WASHC4: variants seen among roughly 807,000 people sequenced by gnomAD.
WASHC4 encodes WASH complex subunit 4.
A neutral mutation model predicts 166.6 loss-of-function variants in WASHC4; 86 were observed. That is an observed-to-expected ratio of 0.52 (90% confidence interval 0.43 to 0.62). WASHC4 has a LOEUF of 0.62. WASHC4 is among the 20% of genes least tolerant of loss of function. The probability of loss-of-function intolerance (pLI) is 0.00; values close to 1 mark genes in which losing one functional copy is unlikely to be tolerated. For missense variants in WASHC4, 1,262 were observed against 1,382.4 expected (o/e 0.91, Z 1.38); for synonymous variants, 446 against 451.6 (o/e 0.99, Z 0.16).
chr12:105,153,061 A>G (rs1179619953), intron 26 of WASHC4, among the ~76,000 whole-genome samples: 2 of 152,220 alleles, frequency 1.3e-5, no homozygotes, highest in African/African-American at 4.8e-5. Flanking sequence ...AATCGTTTTA[A>G]AGATGAAAAA....
At chr12:105,136,315 G>A (rs556606910) in intron 14 of WASHC4, among the ~76,000 whole-genome samples, 2 of 152,244 alleles carry the variant, frequency 1.3e-5, no homozygotes, top group African/African-American at 4.8e-5. Flanking sequence ...AACCCTGAAT[G>A]CCAGGATCAC....
intron 6 of WASHC4, 99 bp downstream of exon 6, chr12:105,115,827 T>C (rs949143049): frequency 1.3e-6 from 1 of 787,730 alleles, no homozygotes; most frequent in Non-Finnish European, 2.3e-6. Context: ...ACTAAAGATG[T>C]GTACTCTGAG....
chr12:105,166,603 C>T (rs1884821034), intron 32 of WASHC4, among the ~76,000 whole-genome samples: 1 of 152,064 alleles, frequency 6.6e-6, no homozygotes, highest in Non-Finnish European at 1.5e-5. Flanking sequence ...TGGTTTGAAG[C>T]CCCACCCCAA....
intron 27 of WASHC4, among the ~76,000 whole-genome samples, chr12:105,157,023 A>C (rs1884205530): frequency 6.6e-6 from 1 of 152,240 alleles, no homozygotes; most frequent in Admixed American, 6.5e-5. Context: ...TTATGAATGC[A>C]TGTAAAGATT....
chr12:105,114,173 T>C, intron 2 of WASHC4, 43 bp from the exon 3 acceptor site: 1 of 1,566,398 alleles, frequency 6.4e-7, no homozygotes, highest in East Asian at 2.2e-5. Flanking sequence ...ATTTCAGTTA[T>C]TTTTCAAATT....
In WASHC4 at chr12:105,160,033, G is replaced by A. The variant is rs773207031; in HGVS notation, c.2945G>A (p.Arg982Gln). The A allele has an allele frequency of 2.4e-5, 38 of 1,613,902 alleles. No homozygotes were observed. Among genetic ancestry groups the A allele is most frequent in the Middle Eastern group, 1.6e-4 (1 of 6,084 alleles). ...HLDSVLSDHTRNSAEGTEYFK... is the reference protein window; with the variant it reads ...HLDSVLSDHTQNSAEGTEYFK... Reference sequence around the variant, plus strand: ...GATTCAGTCCTCAGTGATCACACACGAAATTCTGCCGAAGGCACAGAATAT... The same window carrying A: ...GATTCAGTCCTCAGTGATCACACACAAAATTCTGCCGAAGGCACAGAATAT... Residue 982 changes from arginine (R) to glutamine (Q), a missense_variant, in exon 29 of 33, where the codon CGA becomes CAA. Coordinates refer to ENST00000332180, the MANE Select transcript of WASHC4 (RefSeq NM_015275.3).
At chr12:105,152,657 A>C (rs556878487) in intron 26 of WASHC4, among the ~76,000 whole-genome samples, 2 of 152,330 alleles carry the variant, frequency 1.3e-5, no homozygotes, top group Admixed American at 1.3e-4. Context: ...CTAATCACGT[A>C]AATAAAACCT....
chr12:105,143,030 C>T (rs370319449), intron 19 of WASHC4, 97 bp from the exon 20 acceptor site: 9 of 756,422 alleles, frequency 1.2e-5, no homozygotes, highest in African/African-American at 1.7e-5. Flanking sequence ...TCCTTCAGAT[C>T]GAGGTTTTGT....
intron 13 of WASHC4, among the ~76,000 whole-genome samples, chr12:105,131,074 A>ATTTTT (rs1247823736): frequency 6.7e-6 from 1 of 149,508 alleles, no homozygotes; most frequent in African/African-American, 2.4e-5. Context: ...ATATTTATTT[A>ATTTTT]TTTATTTATT....
At chr12:105,162,401 T>G (rs948971329) in intron 29 of WASHC4, among the ~76,000 whole-genome samples, 1 of 152,226 alleles carries the variant, frequency 6.6e-6, no homozygotes, top group African/African-American at 2.4e-5. Context: ...TATATGACTT[T>G]GGGTGAGATA....
intron 28 of WASHC4, 99 bp downstream of exon 28, chr12:105,157,421 T>G: frequency 1.5e-6 from 1 of 678,594 alleles, no homozygotes; most frequent in Middle Eastern, 4.0e-4. Context: ...CTGTTTTTAT[T>G]ATACAAAATT....
chr12:105,133,149 C>T (rs779861375), intron 13 of WASHC4, among the ~76,000 whole-genome samples: 28 of 152,070 alleles, frequency 1.8e-4, no homozygotes, highest in Non-Finnish European at 3.7e-4. Context: ...TCCCCATCAC[C>T]CCACTCCCTC....
chr12:105,143,966 T>C (rs1457593778), intron 20 of WASHC4, among the ~76,000 whole-genome samples: 1 of 151,912 alleles, frequency 6.6e-6, no homozygotes, highest in African/African-American at 2.4e-5. Flanking sequence ...ATTTTTTTTT[T>C]AACAGTTATT....
chr12:105,115,424 C>T (rs757554803), intron 5 of WASHC4, among the ~76,000 whole-genome samples, 195 bp downstream of exon 5: 42 of 151,750 alleles, frequency 2.8e-4, no homozygotes, highest in Non-Finnish European at 3.1e-4. Flanking sequence ...TTGTACTTTA[C>T]GAAGTACTGT....
chr12:105,146,900 A>T (rs1030428072), intron 23 of WASHC4, 142 bp from the exon 24 acceptor site: 3 of 688,804 alleles, frequency 4.4e-6, no homozygotes, highest in Non-Finnish European at 5.3e-6. Flanking sequence ...CGGATTAAGG[A>T]TACTCACCTG....
intron 25 of WASHC4, 60 bp from the exon 26 acceptor site, chr12:105,152,283 G>T (rs1592909559): frequency 1.2e-6 from 1 of 828,520 alleles, no homozygotes; most frequent in East Asian, 2.5e-5. Flanking sequence ...TGGTTTATTT[G>T]GGAGGCATTT....
At chr12:105,156,341 T>C (rs1884161026) in intron 26 of WASHC4, among the ~76,000 whole-genome samples, 1 of 152,180 alleles carries the variant, frequency 6.6e-6, no homozygotes, top group African/African-American at 2.4e-5. Flanking sequence ...TTGGGAGGCA[T>C]CAAATAAAGA....
chr12:105,135,400 T>G (rs968018399), intron 14 of WASHC4, among the ~76,000 whole-genome samples: 3 of 145,906 alleles, frequency 2.1e-5, no homozygotes, highest in Non-Finnish European at 3.0e-5. Flanking sequence ...GTTGGTGGGG[T>G]TTTTTTTTTT....
Position 105,111,171 on chromosome 12 carries a change from G to A in WASHC4, c.108G>A (p.Glu36=). 1.9e-6 allele frequency: 3 copies of A among 1,606,354 alleles called. No individual in the cohort carries two copies. The highest frequency in any genetic ancestry group is 1.1e-5 in the South Asian group (1 of 90,924). Residue 36 remains glutamate, a synonymous_variant, in exon 2 of 33, where the codon GAG becomes GAA. Coordinates refer to ENST00000332180, the MANE Select transcript of WASHC4 (RefSeq NM_015275.3). The part of the protein sequence containing the change: ...VQLKNYGKFL[E]EYTSQLRRIE... ...TTAAGAATTATGGGAAATTTCTTGA[G>A]GAGTATACCTCTCAACTGAGAAGAA... is the stretch of plus-strand genomic sequence containing the variant.
Sources: allele counts gnomAD v4.1 joint callset (sites outside exome capture counted in the v4.1 genomes callset), GRCh38; gene constraint gnomAD v4.1.1; transcripts MANE v1.5; gene names NCBI Gene and HGNC (gene_info 2026-07-23, HGNC 2026-07-21).